The following HS3ST4 variants were observed in gnomAD, a reference collection of about 807,000 sequenced individuals.
The protein encoded by HS3ST4 is heparan sulfate glucosamine 3-O-sulfotransferase 4.
Under a neutral mutation model 29.2 loss-of-function variants are expected in HS3ST4, and 17 were observed. The observed-to-expected ratio is 0.58, with a 90% CI of 0.40 to 0.87. HS3ST4 has a LOEUF of 0.87. HS3ST4 is among the 40% of genes least tolerant of loss of function. The pLI is 0.00. For missense variants in HS3ST4, 627 were observed against 634.5 expected, an observed-to-expected ratio of 0.99 and a Z score of 0.13; for synonymous variants, 314 against 285.7, an observed-to-expected ratio of 1.10 and a Z score of -1.00.
At chr16:26,047,751 G>A (rs1346413941) in intron 1 of HS3ST4, among the ~76,000 whole-genome samples, 1 of 152,164 alleles carries the variant, frequency 6.6e-6, no homozygotes. Flanking sequence ...AGATGCATTT[G>A]CTGAACTCCT....
chr16:25,817,474 A>C (rs1171257067), intron 1 of HS3ST4, among the ~76,000 whole-genome samples: 1 of 152,192 alleles, frequency 6.6e-6, no homozygotes, highest in African/African-American at 2.4e-5. Context: ...ATGAATGAAT[A>C]TGTCTGTGTT....
At chr16:25,701,503 G>A (rs1035855717) in intron 1 of HS3ST4, among the ~76,000 whole-genome samples, 1 of 152,116 alleles carries the variant, frequency 6.6e-6, no homozygotes, top group African/African-American at 2.4e-5. Flanking sequence ...TTAGAAAAGT[G>A]GGGGCCAGTT....
chr16:25,794,005 T>G (rs1966876103), intron 1 of HS3ST4, among the ~76,000 whole-genome samples: 1 of 152,106 alleles, frequency 6.6e-6, no homozygotes, highest in African/African-American at 2.4e-5. Context: ...CTTAATATTC[T>G]TGTGCTATCT....
intron 1 of HS3ST4, among the ~76,000 whole-genome samples, chr16:25,883,399 A>C (rs1234045750): frequency 1.7e-4 from 2 of 11,474 alleles, no homozygotes; most frequent in East Asian, 1.4e-3. Flanking sequence ...CAAAAAAAAT[A>C]CCCCACACTG....
chr16:25,739,298 C>G (rs375099215), intron 1 of HS3ST4, among the ~76,000 whole-genome samples: 2 of 152,088 alleles, frequency 1.3e-5, no homozygotes, highest in East Asian at 3.9e-4. Flanking sequence ...GCCAAGTTCA[C>G]GCCACTGGAC....
At chr16:26,025,863 C>G (rs927417299) in intron 1 of HS3ST4, among the ~76,000 whole-genome samples, 1 of 152,204 alleles carries the variant, frequency 6.6e-6, no homozygotes, top group Non-Finnish European at 1.5e-5. Context: ...GTAACCTCTG[C>G]CTCCCGGATT....
chr16:25,862,782 T>G (rs1460276125), intron 1 of HS3ST4, among the ~76,000 whole-genome samples: 2 of 152,264 alleles, frequency 1.3e-5, no homozygotes, highest in African/African-American at 4.8e-5. Flanking sequence ...GCACATGACT[T>G]TCTCTCTTAC....
intron 1 of HS3ST4, among the ~76,000 whole-genome samples, chr16:25,781,956 A>G (rs1966853020): frequency 6.6e-6 from 1 of 152,132 alleles, no homozygotes; most frequent in South Asian, 2.1e-4. Context: ...GTTTGTTTTC[A>G]TACTGCTAAA....
At chr16:26,088,318 T>C (rs1898814208) in intron 1 of HS3ST4, among the ~76,000 whole-genome samples, 1 of 152,192 alleles carries the variant, frequency 6.6e-6, no homozygotes, top group Non-Finnish European at 1.5e-5. Flanking sequence ...TATGTGATGA[T>C]GTTTTGTTGG....
intron 1 of HS3ST4, among the ~76,000 whole-genome samples, chr16:25,802,442 T>C (rs182664522): frequency 2.6e-5 from 4 of 152,214 alleles, no homozygotes; most frequent in Non-Finnish European, 5.9e-5. Flanking sequence ...TCTACCTCTG[T>C]TATGGTTTCA....
chr16:25,763,781 A>C (rs17625895), intron 1 of HS3ST4, among the ~76,000 whole-genome samples: 49,666 of 152,076 alleles, frequency 0.33, 10,622 homozygotes, highest in Non-Finnish European at 0.49. Context: ...ATATAAACAG[A>C]TTGTATTCTA....
intron 1 of HS3ST4, among the ~76,000 whole-genome samples, chr16:25,917,115 G>T (rs976923976): frequency 2.6e-5 from 4 of 152,176 alleles, no homozygotes; most frequent in African/African-American, 9.7e-5. Flanking sequence ...CTATGTAGGG[G>T]TCAAATCTGT....
At chr16:25,866,337 T>C (rs1359678228) in intron 1 of HS3ST4, among the ~76,000 whole-genome samples, 1 of 152,208 alleles carries the variant, frequency 6.6e-6, no homozygotes, top group Non-Finnish European at 1.5e-5. Context: ...TTAGAGAGTT[T>C]ATTCTTCTCT....
chr16:25,863,244 C>T (rs12444571), intron 1 of HS3ST4, among the ~76,000 whole-genome samples: 40,672 of 151,944 alleles, frequency 0.27, 5,980 homozygotes, highest in East Asian at 0.45. Flanking sequence ...CCACCATGCC[C>T]GGCTAATTTT....
At chr16:26,075,369 T>A (rs1460268545) in intron 1 of HS3ST4, among the ~76,000 whole-genome samples, 1 of 152,166 alleles carries the variant, frequency 6.6e-6, no homozygotes, top group Non-Finnish European at 1.5e-5. Flanking sequence ...AGTCTCTCCC[T>A]CTTATTAGGT....
intron 1 of HS3ST4, among the ~76,000 whole-genome samples, chr16:26,056,454 C>CT (rs1898409287): frequency 6.6e-6 from 1 of 152,200 alleles, no homozygotes. Context: ...GAGCTGAGGA[C>CT]TGGGATTGTG....
intron 1 of HS3ST4, among the ~76,000 whole-genome samples, chr16:25,766,202 T>A (rs1966818159): frequency 6.6e-6 from 1 of 151,868 alleles, no homozygotes; most frequent in Non-Finnish European, 1.5e-5. Flanking sequence ...TGAACTGGGC[T>A]ATCAACAAGG....
chr16:25,721,197 G>A (rs1178078789), intron 1 of HS3ST4, among the ~76,000 whole-genome samples: 1 of 152,038 alleles, frequency 6.6e-6, no homozygotes, highest in Non-Finnish European at 1.5e-5. Context: ...GAGGAGGAGA[G>A]GACATGGTAC....
intron 1 of HS3ST4, among the ~76,000 whole-genome samples, chr16:25,957,822 C>G (rs1337256655): frequency 1.3e-5 from 2 of 152,184 alleles, no homozygotes; most frequent in Non-Finnish European, 2.9e-5. Context: ...GGAGCCTGCT[C>G]TGAATTCTTG....
Sources: gnomAD v4.1 joint callset for allele counts (sites outside exome capture counted in the v4.1 genomes callset) on GRCh38, gnomAD v4.1.1 for gene constraint, MANE v1.5 for transcripts, NCBI Gene and HGNC (gene_info 2026-07-23, HGNC 2026-07-21) for gene names.